CBLN2: variants seen among roughly 807,000 people sequenced by gnomAD.
The protein encoded by CBLN2 is cerebellin 2 precursor.
A neutral mutation model predicts 15.0 loss-of-function variants in CBLN2; 7 were observed. The ratio of observed to expected loss-of-function variants is 0.47; its 90% CI spans 0.27 to 0.88. CBLN2 has a LOEUF of 0.88. Among genes scored for constraint, CBLN2 ranks in the 40% least tolerant of loss-of-function variants. CBLN2 has a pLI of 0.14. For missense variants in CBLN2, 242 were observed against 304.5 expected, an observed-to-expected ratio of 0.79 and a Z score of 1.53; for synonymous variants, 149 against 135.2, an observed-to-expected ratio of 1.10 and a Z score of -0.71.
At chr18:72,559,714 G>A (rs1399671134) in intron 1 of CBLN2, among the ~76,000 whole-genome samples, 2 of 152,124 alleles carry the variant, frequency 1.3e-5, no homozygotes, top group Non-Finnish European at 2.9e-5. Context: ...ATTTTTTCGA[G>A]GATAAGGCAA....
chr18:72,568,296 G>C (rs964849748), intron 1 of CBLN2, among the ~76,000 whole-genome samples: 7 of 152,070 alleles, frequency 4.6e-5, no homozygotes, highest in African/African-American at 1.4e-4. Flanking sequence ...TAAAACTATG[G>C]AGACCCTCAA....
intron 1 of CBLN2, among the ~76,000 whole-genome samples, chr18:72,563,206 C>A (rs527589423): frequency 2.6e-5 from 4 of 152,018 alleles, no homozygotes; most frequent in African/African-American, 9.7e-5. Context: ...AAAGGGAAAC[C>A]TAAAAGATGC....
intron 1 of CBLN2, among the ~76,000 whole-genome samples, chr18:72,588,864 C>T (rs2069459689): frequency 1.3e-5 from 2 of 152,144 alleles, no homozygotes; most frequent in Non-Finnish European, 2.9e-5. Flanking sequence ...TTAAGTACTT[C>T]GCTCAAGCTG....
At chr18:72,622,754 G>C (rs192398641) in intron 1 of CBLN2, among the ~76,000 whole-genome samples, 140 of 152,220 alleles carry the variant, frequency 9.2e-4, no homozygotes, top group South Asian at 4.8e-3. Context: ...TGATCAAAAT[G>C]CTGTAGTGAA....
chr18:72,581,101 A>T (rs1011955881), intron 1 of CBLN2, among the ~76,000 whole-genome samples: 2 of 152,176 alleles, frequency 1.3e-5, no homozygotes, highest in African/African-American at 2.4e-5. Flanking sequence ...GTAATTTTCT[A>T]TCCACTGACT....
At chr18:72,583,819 T>C (rs1035838932) in intron 1 of CBLN2, among the ~76,000 whole-genome samples, 2 of 152,252 alleles carry the variant, frequency 1.3e-5, no homozygotes, top group African/African-American at 4.8e-5. Context: ...ATCCCACTCC[T>C]GGCATTTTTC....
chr18:72,581,365 T>G (rs2069403066), intron 1 of CBLN2, among the ~76,000 whole-genome samples: 1 of 152,224 alleles, frequency 6.6e-6, no homozygotes, highest in Non-Finnish European at 1.5e-5. Context: ...TATGAGAATT[T>G]TATGATTTCT....
At chr18:72,566,718 G>A (rs2069297626) in intron 1 of CBLN2, among the ~76,000 whole-genome samples, 1 of 152,126 alleles carries the variant, frequency 6.6e-6, no homozygotes, top group South Asian at 2.1e-4. Flanking sequence ...GGAAGAATAC[G>A]TTCTGGTATT....
chr18:72,575,433 A>G (rs1340681758), intron 1 of CBLN2, among the ~76,000 whole-genome samples: 1 of 152,192 alleles, frequency 6.6e-6, no homozygotes, highest in East Asian at 1.9e-4. Context: ...GGATATGCAT[A>G]TGACAACAAC....
intron 1 of CBLN2, among the ~76,000 whole-genome samples, chr18:72,584,213 T>C (rs1404785898): frequency 6.6e-6 from 1 of 152,128 alleles, no homozygotes; most frequent in Non-Finnish European, 1.5e-5. Context: ...TCTCCTCAAA[T>C]AGGCTTTCAT....
chr18:72,613,004 C>T (rs2069632731), intron 1 of CBLN2, among the ~76,000 whole-genome samples: 1 of 152,166 alleles, frequency 6.6e-6, no homozygotes, highest in African/African-American at 2.4e-5. Flanking sequence ...CAGATTCTGG[C>T]AATTTTCCAG....
intron 1 of CBLN2, among the ~76,000 whole-genome samples, chr18:72,597,201 TC>T (rs1374962932): frequency 6.6e-6 from 1 of 152,214 alleles, no homozygotes; most frequent in Admixed American, 6.5e-5. Flanking sequence ...TTGAAGTGAC[TC>T]CATGTTGTGA....
chr18:72,570,575 A>T (rs1016131131), intron 1 of CBLN2, among the ~76,000 whole-genome samples: 3 of 152,068 alleles, frequency 2.0e-5, no homozygotes, highest in African/African-American at 7.2e-5. Context: ...CTCATGCCTG[A>T]ATGAGGCTTA....
rs1199361769 is a variant in CBLN2 at position 72,541,727 on chromosome 18, C to A, written c.357+77G>T. 4.0e-6 allele frequency: 5 copies of A among 1,247,180 alleles called. No individual in the cohort carries two copies. In the Admixed American group the frequency reaches 1.4e-4, roughly 34 times the overall value. The allele number at this position is 1,247,180 out of a possible 1,614,324, so 77.3% of individuals were successfully genotyped here. ...CCTGGGAACTCCACGTCCAAGAAGC[C>A]TGAACCCCAGCCCGCGCGCGCAGGT... On this transcript the variant is annotated intron_variant, in intron 3 of 4. Transcript: ENST00000269503.
intron 1 of CBLN2, among the ~76,000 whole-genome samples, chr18:72,616,567 A>C (rs1320896866): frequency 6.6e-6 from 1 of 152,020 alleles, no homozygotes; most frequent in Non-Finnish European, 1.5e-5. Flanking sequence ...TATGATTTTG[A>C]TTCCTTTTGA....
At position 72,615,449 on chromosome 18, in the gene CBLN2, T is replaced by C. The variant is rs534034881; in HGVS notation, c.15+22876A>G. On this transcript the variant is annotated intron_variant, in intron 1 of 2. Transcript: ENST00000581073. ...GCGCCACCATGCCCAGCTAACTTTG[T>C]ATTTTTAGTAGAGAAGGGGTTTCCC... 4.0e-3 allele frequency among the ~76,000 whole-genome samples: 612 copies of C among 151,404 alleles called. 3 individuals carry two copies. Among genetic ancestry groups the C allele is most frequent in the African/African-American group, 0.014 (589 of 41,262 alleles).
At chr18:72,560,408 CA>C (rs2144892395) in intron 1 of CBLN2, among the ~76,000 whole-genome samples, 1 of 152,334 alleles carries the variant, frequency 6.6e-6, no homozygotes, top group Non-Finnish European at 1.5e-5. Flanking sequence ...GGAGAATTTC[CA>C]AAGCCTTCAA....
chr18:72,563,009 T>C (rs1273921419), intron 1 of CBLN2, among the ~76,000 whole-genome samples: 1 of 152,218 alleles, frequency 6.6e-6, no homozygotes, highest in African/African-American at 2.4e-5. Context: ...TAAAACTTTG[T>C]CTTAATATTT....
At chr18:72,589,170 G>A (rs1300344219) in intron 1 of CBLN2, among the ~76,000 whole-genome samples, 1 of 152,142 alleles carries the variant, frequency 6.6e-6, no homozygotes, top group Non-Finnish European at 1.5e-5. Flanking sequence ...GCCAACGGCA[G>A]CCACAGAAAC....
Sources: gnomAD v4.1 joint callset for allele counts (sites outside exome capture counted in the v4.1 genomes callset) on GRCh38, gnomAD v4.1.1 for gene constraint, MANE v1.5 for transcripts, NCBI Gene and HGNC (gene_info 2026-07-23, HGNC 2026-07-21) for gene names.